The following IFT74 variants were observed in gnomAD, a reference collection of about 807,000 sequenced individuals.
IFT74 encodes the protein intraflagellar transport 74, also known as intraflagellar transport protein 74 homolog.
IFT74 carries 92 observed loss-of-function variants against 96.7 expected under a neutral mutation model. The ratio of observed to expected loss-of-function variants is 0.95; its 90% CI spans 0.80 to 1.13. The LOEUF is 1.13. IFT74 is among the 50% of genes most tolerant of loss of function. The pLI is 0.00. For missense variants in IFT74, 811 were observed against 698.2 expected, an observed-to-expected ratio of 1.16 and a Z score of -1.82; for synonymous variants, 223 against 213.2, an observed-to-expected ratio of 1.05 and a Z score of -0.40.
At chr9:27,047,252 T>G in intron 14 of IFT74, 22 bp from the exon 15 acceptor site, 1 of 1,451,942 alleles carries the variant, frequency 6.9e-7, no homozygotes, top group South Asian at 1.2e-5. Flanking sequence ...CAGTAATCTC[T>G]CTTATGTTTT....
intron 12 of IFT74, among the ~76,000 whole-genome samples, chr9:27,019,105 C>G (rs1829482078): frequency 2.0e-5 from 3 of 152,178 alleles, no homozygotes; most frequent in South Asian, 4.2e-4. Context: ...CAGGCACACA[C>G]CACCATATCT....
rs545900045 is a variant in IFT74 at position 27,057,342 on chromosome 9, G to A, written c.1623+883G>A. On this transcript the variant is annotated intron_variant, in intron 18 of 19. Transcript: ENST00000380062. Reference sequence around the variant, plus strand: ...GAGGTCTAGATTGAGAGCTCTGACGGGACAGAGACAATGTCTGTCTCGTTT... The same window carrying A: ...GAGGTCTAGATTGAGAGCTCTGACGAGACAGAGACAATGTCTGTCTCGTTT... 1.3e-3 allele frequency among the ~76,000 whole-genome samples: 196 copies of A among 152,144 alleles called. 2 individuals carry two copies. Among genetic ancestry groups the A allele is most frequent in the Non-Finnish European group, 2.0e-3 (134 of 68,002 alleles).
intron 2 of IFT74, among the ~76,000 whole-genome samples, chr9:26,963,483 A>T (rs530406127): frequency 6.6e-6 from 1 of 150,588 alleles, no homozygotes; most frequent in South Asian, 2.1e-4. Context: ...CAGTAATGGG[A>T]TGGCTGGGTC....
chr9:27,033,706 A>G (rs1456079384), intron 13 of IFT74, among the ~76,000 whole-genome samples: 1 of 151,748 alleles, frequency 6.6e-6, no homozygotes, highest in African/African-American at 2.4e-5. Context: ...CTAATTTTTT[A>G]CTCCCAAGAA....
intron 16 of IFT74, among the ~76,000 whole-genome samples, chr9:27,049,000 C>G (rs1464502860): frequency 6.6e-6 from 1 of 152,050 alleles, no homozygotes; most frequent in Non-Finnish European, 1.5e-5. Context: ...TCAGTGTCAT[C>G]CTTGCAGTAA....
chr9:26,999,699 C>T (rs1007376039), intron 8 of IFT74: 13 of 1,593,484 alleles, frequency 8.2e-6, no homozygotes, highest in African/African-American at 4.1e-5. Context: ...TTTCATGTTG[C>T]AGACCTGATA....
chr9:27,008,071 T>G (rs1232208762), intron 8 of IFT74, among the ~76,000 whole-genome samples: 1 of 152,256 alleles, frequency 6.6e-6, no homozygotes, highest in Non-Finnish European at 1.5e-5. Context: ...GTAATGTTTA[T>G]TGTGTTTTTA....
rs779371483 is a variant in IFT74 at position 27,063,728 on chromosome 9, A to G, written c.*992A>G. ...TAAACCAAAATAGCTTTATTGAGATATTATTTACATACTTTAAAATTTACT... is the reference window on the plus strand; with the variant it reads ...TAAACCAAAATAGCTTTATTGAGATGTTATTTACATACTTTAAAATTTACT... On this transcript the variant is annotated 3_prime_UTR_variant, in exon 20 of 20. Coordinates refer to ENST00000380062, the MANE Select transcript of IFT74 (RefSeq NM_025103.4). 1.3e-5 allele frequency among the ~76,000 whole-genome samples: 2 copies of G among 152,166 alleles called. No homozygotes were observed. The highest frequency in any genetic ancestry group is 6.5e-5 in the Admixed American group (1 of 15,272).
chr9:26,975,483 G>A (rs1827076656), intron 2 of IFT74, among the ~76,000 whole-genome samples: 2 of 152,164 alleles, frequency 1.3e-5, no homozygotes, highest in Non-Finnish European at 2.9e-5. Flanking sequence ...TGTATCATTT[G>A]CTCTTTTCTT....
Position 26,978,278 on chromosome 9 carries a change from A to G in IFT74, c.256+15A>G. 1.2e-6 allele frequency: 2 copies of G among 1,611,962 alleles called. No homozygotes were observed. The highest frequency in any genetic ancestry group is 1.7e-6 in the Non-Finnish European group (2 of 1,179,398). ...TGGGACGAAAGGTACCTATTTTAAG[A>G]TAAGTATGACACTTGGGCCTGTGTT... On this transcript the variant is annotated intron_variant, in intron 3 of 19. Transcript: ENST00000380062.
rs768365827 is a variant in IFT74, at chr9:27,048,202, A to T, written c.1261A>T (p.Met421Leu). 15 of 1,602,690 alleles carry T rather than the reference A, an allele frequency of 9.4e-6. No homozygotes were observed. In the Admixed American group the frequency reaches 2.5e-4, roughly 27 times the overall value. ...TATCACCAATCAAGAGCTAAAGATG[A>T]TGCAGGATGACCTCAATTTTAAATC... is the stretch of plus-strand genomic sequence containing the variant. ...SSITNQELKM[M>L]QDDLNFKSTE... is the part of the protein sequence containing the mutation. Residue 421 changes from methionine to leucine, a missense_variant, in exon 16 of 20, where the codon ATG becomes TTG. Coordinates refer to ENST00000380062, the MANE Select transcript of IFT74 (RefSeq NM_025103.4).
intron 13 of IFT74, among the ~76,000 whole-genome samples, chr9:27,034,684 A>G (rs1253947349): frequency 1.3e-5 from 2 of 152,120 alleles, no homozygotes. Flanking sequence ...ATGCGCCACC[A>G]CACCTGGCTA....
chr9:27,060,578 T>A lies in IFT74; in HGVS notation c.1624-13T>A. The A allele has an allele frequency of 1.3e-6, 2 of 1,574,202 alleles. No individual in the cohort carries two copies. The highest frequency in any genetic ancestry group is 1.1e-5 in the South Asian group (1 of 87,066). ...TATGGGTCCTAATTAATATTTTTCTTTTATGTTTTTAGCTTACAAATTTGG... is the reference window on the plus strand; with the variant it reads ...TATGGGTCCTAATTAATATTTTTCTATTATGTTTTTAGCTTACAAATTTGG... On this transcript the variant is annotated splice_polypyrimidine_tract_variant and intron_variant, in intron 18 of 19. Coordinates refer to ENST00000380062, the MANE Select transcript of IFT74 (RefSeq NM_025103.4).
At chr9:26,970,236 ATAG>A (rs1466289892) in intron 2 of IFT74, among the ~76,000 whole-genome samples, 4 of 152,178 alleles carry the variant, frequency 2.6e-5, no homozygotes, top group Non-Finnish European at 1.5e-5. Flanking sequence ...ATTTTTGAAA[ATAG>A]TAGTGCTTGT....
At chr9:27,007,083 C>T (rs921910240) in intron 8 of IFT74, among the ~76,000 whole-genome samples, 3 of 151,830 alleles carry the variant, frequency 2.0e-5, no homozygotes, top group Admixed American at 1.3e-4. Context: ...GTGATCTGCC[C>T]GCCTCGGCCT....
intron 4 of IFT74, among the ~76,000 whole-genome samples, chr9:26,981,351 A>T (rs1827366699): frequency 6.6e-6 from 1 of 151,952 alleles, no homozygotes. Flanking sequence ...GGTTGAAGTG[A>T]TCCTCCTGCC....
intron 15 of IFT74, among the ~76,000 whole-genome samples, chr9:27,047,878 A>G (rs1193045898): frequency 6.6e-6 from 1 of 152,160 alleles, no homozygotes; most frequent in African/African-American, 2.4e-5. Flanking sequence ...TAAGACTCCA[A>G]CCAGTTTCTA....
At position 27,050,046 on chromosome 9, in the gene IFT74, CTTAT is replaced by C. The variant is rs148206711; in HGVS notation, c.1333+1797_1333+1800del. On this transcript the variant is annotated intron_variant, in intron 16 of 19. Transcript: ENST00000380062. The stretch of plus-strand genomic sequence containing the variant: ...TCACGACATTTCAATTAGGACTAGC[CTTAT>C]TTATTTATTTATTTATTTATTTATG... Among the ~76,000 whole-genome samples, 645 of 151,350 alleles carry C rather than the reference CTTAT, an allele frequency of 4.3e-3. 6 individuals carry two copies. The highest frequency in any genetic ancestry group is 0.015 in the African/African-American group (605 of 41,264).
chr9:27,054,405 T>G (rs1212262433), intron 16 of IFT74, among the ~76,000 whole-genome samples: 3 of 152,216 alleles, frequency 2.0e-5, no homozygotes, highest in Non-Finnish European at 4.4e-5. Flanking sequence ...GTGCTACTCT[T>G]TTCATATTTA....
Sources: gnomAD v4.1 joint callset for allele counts (sites outside exome capture counted in the v4.1 genomes callset) on GRCh38, gnomAD v4.1.1 for gene constraint, MANE v1.5 for transcripts, NCBI Gene and HGNC (gene_info 2026-07-23, HGNC 2026-07-21) for gene names.